The following ITGA2 variants were observed in gnomAD, a reference collection of about 807,000 sequenced individuals.
ITGA2 encodes integrin subunit alpha 2.
Under a neutral mutation model 146.3 loss-of-function variants are expected in ITGA2, and 101 were observed. The observed-to-expected ratio is 0.69, with a 90% CI of 0.59 to 0.81. ITGA2 has a LOEUF of 0.81. Ranked by LOEUF, ITGA2 falls within the 40% of genes least tolerant of loss-of-function variation. ITGA2 has a pLI of 0.00. For missense variants in ITGA2, 1,281 were observed against 1,402.7 expected, an observed-to-expected ratio of 0.91 and a Z score of 1.39; for synonymous variants, 477 against 487.1, an observed-to-expected ratio of 0.98 and a Z score of 0.27.
chr5:53,043,264 A>T (rs1743892693), intron 3 of ITGA2, among the ~76,000 whole-genome samples: 2 of 148,082 alleles, frequency 1.4e-5, no homozygotes, highest in East Asian at 2.0e-4. Flanking sequence ...AAGCTTTATT[A>T]TATAGTCCAA....
intron 24 of ITGA2, among the ~76,000 whole-genome samples, chr5:53,079,665 A>C (rs919475041): frequency 6.6e-6 from 1 of 152,150 alleles, no homozygotes; most frequent in African/African-American, 2.4e-5. Flanking sequence ...CTTTAGAAGA[A>C]TCTTTATGAT....
intron 1 of ITGA2, among the ~76,000 whole-genome samples, chr5:53,023,637 A>AT (rs1479988457): frequency 6.6e-6 from 1 of 152,180 alleles, no homozygotes; most frequent in Non-Finnish European, 1.5e-5. Context: ...TGAATGATCC[A>AT]TTTTTTAAGT....
At chr5:53,048,794 C>A in intron 6 of ITGA2, 24 bp downstream of exon 6, 1 of 1,611,798 alleles carries the variant, frequency 6.2e-7, no homozygotes. Flanking sequence ...AAATGCATAA[C>A]TAACTTATGG....
At chr5:53,044,956 C>A in intron 3 of ITGA2, 45 bp from the exon 4 acceptor site, 1 of 1,404,048 alleles carries the variant, frequency 7.1e-7, no homozygotes, top group Non-Finnish European at 1.0e-6. Flanking sequence ...TTTAAGTAAA[C>A]GAGGAATTTT....
chr5:53,073,949 A>G (rs2112004064), intron 20 of ITGA2, among the ~76,000 whole-genome samples: 1 of 119,932 alleles, frequency 8.3e-6, no homozygotes, highest in Admixed American at 7.8e-5. Flanking sequence ...AAAACTAAAA[A>G]AAAAAAAAAA....
intron 27 of ITGA2, among the ~76,000 whole-genome samples, chr5:53,086,171 C>G (rs142486049): frequency 6.6e-6 from 1 of 152,168 alleles, no homozygotes; most frequent in South Asian, 2.1e-4. Context: ...CCTCCCAAAG[C>G]GCTGGGATTA....
At chr5:53,003,752 T>G (rs745446666) in intron 1 of ITGA2, among the ~76,000 whole-genome samples, 4 of 152,172 alleles carry the variant, frequency 2.6e-5, no homozygotes, top group Non-Finnish European at 4.4e-5. Context: ...TCCAGACATA[T>G]TTTTAAACAA....
At chr5:53,044,261 T>A (rs553045703) in intron 3 of ITGA2, among the ~76,000 whole-genome samples, 23 of 89,236 alleles carry the variant, frequency 2.6e-4, no homozygotes, top group African/African-American at 1.1e-3. Flanking sequence ...GATGACAGAG[T>A]GAGACTCTGT....
At chr5:53,056,457 T>TCA (rs1744639721) in intron 9 of ITGA2, among the ~76,000 whole-genome samples, 1 of 151,994 alleles carries the variant, frequency 6.6e-6, no homozygotes, top group Admixed American at 6.6e-5. Flanking sequence ...ATAATAATGT[T>TCA]TAATCCTGGA....
At chr5:53,041,668 C>G (rs1186675354) in intron 2 of ITGA2, among the ~76,000 whole-genome samples, 1 of 152,118 alleles carries the variant, frequency 6.6e-6, no homozygotes, top group Non-Finnish European at 1.5e-5. Flanking sequence ...AAAATCTACA[C>G]TGAAGTTCAA....
Position 53,071,948 on chromosome 5 carries a change from ATGT to A in ITGA2, c.2250_2252del (p.Val751del), listed in dbSNP as rs1287222454. The stretch of plus-strand genomic sequence containing the variant: ...TGTGTGTATGTTTAGGAGCCCTCTG[ATGT>A]TGTCAACTCTTTGGATTTGCGTGTG... On this transcript the variant is annotated inframe_deletion, in exon 18 of 30. Transcript: ENST00000296585. 9.9e-6 allele frequency: 16 copies of A among 1,611,782 alleles called. No homozygotes were observed. Among genetic ancestry groups the A allele is most frequent in the Non-Finnish European group, 1.4e-5 (16 of 1,178,524 alleles).
At chr5:53,088,071 A>G (rs922073543) in intron 28 of ITGA2, among the ~76,000 whole-genome samples, 2 of 152,214 alleles carry the variant, frequency 1.3e-5, no homozygotes. Flanking sequence ...CTCTCTTCAG[A>G]CACTGGGGCC....
At chr5:53,022,610 A>G (rs961115305) in intron 1 of ITGA2, among the ~76,000 whole-genome samples, 5 of 152,186 alleles carry the variant, frequency 3.3e-5, no homozygotes, top group African/African-American at 4.8e-5. Context: ...TCTGTCACCC[A>G]GTCTGCAGTG....
At position 53,071,905 on chromosome 5, in the gene ITGA2, T is replaced by TC. The variant is rs530683945; in HGVS notation, c.2236-28dup. The TC allele has an allele frequency of 9.1e-4, 1,347 of 1,477,720 alleles. 1 individual carries two copies. Among genetic ancestry groups the TC allele is most frequent in the Middle Eastern group, 2.8e-3 (16 of 5,770 alleles). 91.5% of individuals were successfully genotyped at this position (1,477,720 alleles called of 1,614,324 possible). The stretch of plus-strand genomic sequence containing the variant: ...TATGCTCTAATAAACTGACTCTGTC[T>TC]CCCCCTGTATGTTTGTGTGTGTGTA... On this transcript the variant is annotated intron_variant, in intron 17 of 29. Transcript: ENST00000296585.
chr5:53,057,452 C>A (rs1744695490), intron 9 of ITGA2, among the ~76,000 whole-genome samples: 1 of 151,928 alleles, frequency 6.6e-6, no homozygotes, highest in Admixed American at 6.6e-5. Flanking sequence ...GTGACACAGG[C>A]AAGCACATAT....
At chr5:52,995,864 G>A (rs1441065720) in intron 1 of ITGA2, among the ~76,000 whole-genome samples, 1 of 152,154 alleles carries the variant, frequency 6.6e-6, no homozygotes, top group African/African-American at 2.4e-5. Flanking sequence ...TAGAGGGTCA[G>A]GTGAGGAAGA....
chr5:53,001,731 G>A (rs560620685), intron 1 of ITGA2, among the ~76,000 whole-genome samples: 2 of 151,024 alleles, frequency 1.3e-5, no homozygotes, highest in East Asian at 1.9e-4. Context: ...TCCCAGCTAC[G>A]CCGGAGGATG....
At chr5:53,059,799 A>G (rs1174576676) in intron 10 of ITGA2, 75 bp from the exon 11 acceptor site, 16 of 1,319,172 alleles carry the variant, frequency 1.2e-5, no homozygotes, top group African/African-American at 7.3e-5. Context: ...ACTTATTTCA[A>G]TGTTTTGCCT....
intron 10 of ITGA2, among the ~76,000 whole-genome samples, chr5:53,058,829 T>A (rs1236731474): frequency 6.6e-6 from 1 of 151,944 alleles, no homozygotes; most frequent in Non-Finnish European, 1.5e-5. Flanking sequence ...TCCTTAGAGA[T>A]GCTCATAGAA....
Sources: gnomAD v4.1 joint callset for allele counts (sites outside exome capture counted in the v4.1 genomes callset) on GRCh38, gnomAD v4.1.1 for gene constraint, MANE v1.5 for transcripts, NCBI Gene and HGNC (gene_info 2026-07-23, HGNC 2026-07-21) for gene names.